Variants in ATP8B3 observed in about 807,000 individuals in gnomAD.
ATP8B3 encodes the protein ATPase phospholipid transporting 8B3, also known as phospholipid-transporting ATPase IK.
Under a neutral mutation model 140.9 loss-of-function variants are expected in ATP8B3, and 141 were observed. The ratio of observed to expected loss-of-function variants is 1.00; its 90% confidence interval spans 0.87 to 1.15. The LOEUF is 1.15. Among genes scored for constraint, ATP8B3 ranks in the 50% most tolerant of loss-of-function variants. ATP8B3 has a pLI of 0.00. For synonymous variants in ATP8B3, 765 were observed against 714.6 expected (o/e 1.07, Z -1.13); for missense variants, 1,874 against 1,740.6 (o/e 1.08, Z -1.36).
intron 2 of ATP8B3, among the ~76,000 whole-genome samples, 158 bp from the exon 3 acceptor site, chr19:1,810,841 T>C (rs922288846): frequency 7.2e-5 from 11 of 152,228 alleles, no homozygotes; most frequent in Non-Finnish European, 1.2e-4. Context: ...TGTCCAGCCA[T>C]AGGCTGTGTG....
At chr19:1,799,830 G>T (rs1356189120) in intron 14 of ATP8B3, 117 bp downstream of exon 14, 2 of 1,089,574 alleles carry the variant, frequency 1.8e-6, no homozygotes, top group Non-Finnish European at 2.7e-6. Context: ...ACGGTTCCCT[G>T]GTTCAGATTC....
In ATP8B3 at chr19:1,800,239, C is replaced by T. The variant is rs776117556; in HGVS notation, c.1343+20G>A. ...CCCCGTTCCGCGTTTGCACCGGGGA[C>T]GCAGCCGGCGGAGACTCACAGGATG... On this transcript the variant is annotated intron_variant, in intron 13 of 28. Coordinates refer to ENST00000310127, the MANE Select transcript of ATP8B3 (RefSeq NM_138813.4). This position sits in a 1 kb window ranked among gnomAD's most constrained non-coding sequence, Gnocchi z 4.4. 3.0e-5 allele frequency: 48 copies of T among 1,607,396 alleles called. No homozygotes were observed. Among genetic ancestry groups the T allele is most frequent in the Middle Eastern group, 1.7e-4 (1 of 6,030 alleles).
rs1203122084 is a variant in ATP8B3, at chr19:1,782,908, G to A, written c.*120C>T. ...CAGGTTGGTTTTCTGGATGAAGAGC[G>A]GATTGTCTATCCATAGAAAATGATG... is the stretch of plus-strand genomic sequence containing the variant. On this transcript the variant is annotated 3_prime_UTR_variant, in exon 29 of 29. Transcript: ENST00000310127. 25 of 1,323,318 alleles carry A rather than the reference G, an allele frequency of 1.9e-5. No individual in the cohort carries two copies. The highest frequency in any genetic ancestry group is 1.0e-4 in the East Asian group (4 of 39,640). The allele number at this position is 1,323,318 out of a possible 1,614,324, so 82.0% of individuals were successfully genotyped here.
In ATP8B3 at chr19:1,807,091, C is replaced by T; in HGVS notation, c.615+77G>A. 1.5e-6 allele frequency: 2 copies of T among 1,353,132 alleles called. No homozygotes were observed. The highest frequency in any genetic ancestry group is 3.4e-5 in the Admixed American group (2 of 58,838). 83.8% of individuals were successfully genotyped at this position (1,353,132 alleles called of 1,614,324 possible). ...TCCAGGAAGCCCAGCCCTCCTCCCA[C>T]TCTCGCCCAGGGATCAAGAGACCCC... On this transcript the variant is annotated intron_variant, in intron 6 of 28. Coordinates refer to ENST00000310127, the MANE Select transcript of ATP8B3 (RefSeq NM_138813.4). The surrounding 1 kb of genome is among the most constrained non-coding windows in gnomAD (Gnocchi z 5.9).
chr19:1,793,139 G>A (rs1467086042), intron 18 of ATP8B3, among the ~76,000 whole-genome samples: 2 of 150,132 alleles, frequency 1.3e-5, no homozygotes, highest in Non-Finnish European at 3.0e-5. Context: ...CACCCAGGCT[G>A]GAGTGCAGTG....
chr19:1,792,102 G>C lies in ATP8B3; in HGVS notation c.2089C>G (p.Leu697Val). 1 of 1,576,592 alleles carries C rather than the reference G, an allele frequency of 6.3e-7. No individual in the cohort carries two copies. The highest frequency in any genetic ancestry group is 1.2e-5 in the South Asian group (1 of 86,634). ...FAQETLRTLCLAYREVAEDIY... is the reference protein window; with the variant it reads ...FAQETLRTLCVAYREVAEDIY... ...TCCTCAGCCACCTCCCTGTAGGCCA[G>C]GCACAGTGTCCGCAGGGTCTCCTGG... Residue 697 changes from leucine to valine, a missense_variant, in exon 19 of 29, where the codon CTG becomes GTG. Transcript: ENST00000310127.
chr19:1,783,207 G>A lies in ATP8B3; in HGVS notation c.3724C>T (p.His1242Tyr). Residue 1242 changes from histidine to tyrosine, a missense_variant, in exon 29 of 29, where the codon CAC becomes TAC. By Grantham distance (83) the His-to-Tyr change is moderately conservative (BLOSUM62 2). Transcript: ENST00000310127. The stretch of plus-strand genomic sequence containing the variant: ...GAACGGCGGGCACGAGACTCCCGGT[G>A]TACATGAGGCAAGGGCTCCATGGTG... The part of the protein sequence containing the change: ...IFTMEPLPHV[H>Y]RESRARRSSY... 1 of 1,612,612 alleles carries A rather than the reference G, an allele frequency of 6.2e-7. No homozygotes were observed.
chr19:1,783,077 A>G lies in ATP8B3; in HGVS notation c.3854T>C (p.Leu1285Pro). The change falls in exon 29 of 29, where the codon CTA becomes CCA. Residue 1285 changes from leucine (L) to proline (P), a missense_variant. Leu to Pro is a moderately conservative substitution (Grantham distance 98). This residue lies in a region of ATP8B3 where 840 missense variants were observed against 760.9 expected (regional missense o/e 1.10). Transcript: ENST00000310127. ...GVSSDIASESLDPSDEEAASS... is the reference protein window; with the variant it reads ...GVSSDIASESPDPSDEEAASS... ...AGCTGCCTCTTCATCAGATGGGTCT[A>G]GGGATTCAGATGCTATGTCACTGCT... 6.2e-7 allele frequency: 1 copy of G among 1,612,910 alleles called. No individual in the cohort carries two copies.
chr19:1,795,749 C>T (rs2068643971), intron 18 of ATP8B3, 126 bp downstream of exon 18: 1 of 945,054 alleles, frequency 1.1e-6, no homozygotes, highest in Admixed American at 2.1e-5. Flanking sequence ...TTTCTCCGTA[C>T]AGTCTCCTCC....
intron 18 of ATP8B3, among the ~76,000 whole-genome samples, 166 bp from the exon 19 acceptor site, chr19:1,792,301 C>T (rs1375540545): frequency 1.3e-5 from 2 of 152,174 alleles, no homozygotes; most frequent in African/African-American, 2.4e-5. Flanking sequence ...GGTCTGAGGC[C>T]GGGTACGGTG....
At chr19:1,792,923 AAAAAAAG>A (rs2068559768) in intron 18 of ATP8B3, among the ~76,000 whole-genome samples, 1 of 123,354 alleles carries the variant, frequency 8.1e-6, no homozygotes. Flanking sequence ...TCAAAAAAAA[AAAAAAAG>A]AAAAGAAAAC....
chr19:1,793,543 T>C (rs552106927), intron 18 of ATP8B3, among the ~76,000 whole-genome samples: 1 of 152,182 alleles, frequency 6.6e-6, no homozygotes, highest in African/African-American at 2.4e-5. Flanking sequence ...CTTGGGCCCC[T>C]CATTTCTCAA....
rs2068975064 is a variant in ATP8B3, at chr19:1,805,287, TA to T, written c.904+86del. On this transcript the variant is annotated intron_variant, in intron 10 of 28. Transcript: ENST00000310127. The surrounding 1 kb of genome is among the most constrained non-coding windows in gnomAD (Gnocchi z 5.2). ...ACTGGGCCTGGCCAGCACCTTGTTT[TA>T]AAAACAGTAATAACAACAACAAAAT... 1.5e-6 allele frequency: 2 copies of T among 1,355,370 alleles called. No individual in the cohort carries two copies. The highest frequency in any genetic ancestry group is 1.3e-5 in the South Asian group (1 of 79,966). The allele number at this position is 1,355,370 out of a possible 1,614,324, so 84.0% of individuals were successfully genotyped here.
intron 12 of ATP8B3, among the ~76,000 whole-genome samples, chr19:1,801,620 C>T (rs1437074630): frequency 3.9e-5 from 6 of 152,022 alleles, no homozygotes; most frequent in East Asian, 1.9e-4. Context: ...GGCGTGGCGG[C>T]GTGCACCTAT....
Position 1,789,124 on chromosome 19 carries a change from C to T in ATP8B3, c.2846-4G>A. The T allele has an allele frequency of 1.3e-6, 2 of 1,572,618 alleles. No homozygotes were observed. Among genetic ancestry groups the T allele is most frequent in the Non-Finnish European group, 1.7e-6 (2 of 1,165,786 alleles). The stretch of plus-strand genomic sequence containing the variant: ...AGCCCCACGCCCACGTCCGCGGCTG[C>T]AGGGCACAAGCAGCTGGTCAGCCCC... On this transcript the variant is annotated splice_region_variant and splice_polypyrimidine_tract_variant and intron_variant, in intron 23 of 28. Coordinates refer to ENST00000310127, the MANE Select transcript of ATP8B3 (RefSeq NM_138813.4).
intron 2 of ATP8B3, 55 bp downstream of exon 2, chr19:1,811,434 C>T (rs1286988369): frequency 1.7e-5 from 26 of 1,561,992 alleles, no homozygotes; most frequent in Non-Finnish European, 2.2e-5. Context: ...TAGCAGTGCC[C>T]TCCCCGCCAA....
rs2068604475 is a variant in ATP8B3 at position 1,794,307 on chromosome 19, T to A, written c.2055+1568A>T. On this transcript the variant is annotated intron_variant, in intron 18 of 28. Transcript: ENST00000310127. This position sits in a 1 kb window ranked among gnomAD's most constrained non-coding sequence, Gnocchi z 4.8. Reference sequence around the variant, plus strand: ...CTTGACCCTTCTTCCGGCCTCAATTTACCCATCCATTCCCTGGGGTGGCTG... The same window carrying A: ...CTTGACCCTTCTTCCGGCCTCAATTAACCCATCCATTCCCTGGGGTGGCTG... Among the ~76,000 whole-genome samples the A allele has an allele frequency of 6.6e-6, 1 of 152,190 alleles. No individual in the cohort carries two copies. The highest frequency in any genetic ancestry group is 1.5e-5 in the Non-Finnish European group (1 of 68,032).
In ATP8B3 at chr19:1,802,794, C is replaced by T. The variant is rs1415614337; in HGVS notation, c.905-149G>A. ...CCTATGGTGCCCCAGCACTGGGCTGCCTCCAAAGCCTTCCTGTCCCCACCT... is the reference window on the plus strand; with the variant it reads ...CCTATGGTGCCCCAGCACTGGGCTGTCTCCAAAGCCTTCCTGTCCCCACCT... On this transcript the variant is annotated intron_variant, in intron 10 of 28. Coordinates refer to ENST00000310127, the MANE Select transcript of ATP8B3 (RefSeq NM_138813.4). 3.2e-6 allele frequency: 3 copies of T among 925,322 alleles called. No individual in the cohort carries two copies. In the African/African-American group the frequency reaches 5.0e-5, roughly 15 times the overall value. 57.3% of individuals were successfully genotyped at this position (925,322 alleles called of 1,614,324 possible). A position where few individuals can be genotyped will look rare whatever the true frequency, so the allele number is the denominator to read the frequency against.
In ATP8B3 at chr19:1,806,884, C is replaced by T. The variant is rs1295660060; in HGVS notation, c.616-195G>A. ...CCCACTGCTATTGGCGGGGAGAAGA[C>T]AGGCGTGCTGCCCACCACCTAGAGT... On this transcript the variant is annotated intron_variant, in intron 6 of 28. Coordinates refer to ENST00000310127, the MANE Select transcript of ATP8B3 (RefSeq NM_138813.4). This position sits in a 1 kb window ranked among gnomAD's most constrained non-coding sequence, Gnocchi z 5.6. Among the ~76,000 whole-genome samples the T allele has an allele frequency of 6.6e-6, 1 of 152,134 alleles. No individual in the cohort carries two copies. Among genetic ancestry groups the T allele is most frequent in the Non-Finnish European group, 1.5e-5 (1 of 67,998 alleles).
Sources: allele counts gnomAD v4.1 joint callset (sites outside exome capture counted in the v4.1 genomes callset), GRCh38; gene constraint gnomAD v4.1.1; regional missense constraint gnomAD v4.1.1; non-coding constraint Gnocchi (gnomAD v3.1); transcripts MANE v1.5; gene names NCBI Gene and HGNC (gene_info 2026-07-23, HGNC 2026-07-21).